PDS5B: variants seen among roughly 807,000 people sequenced by gnomAD.
PDS5B encodes PDS5 cohesin associated factor B, also known as sister chromatid cohesion protein PDS5 homolog B.
Under a neutral mutation model 184.1 loss-of-function variants are expected in PDS5B, and 51 were observed. That is an observed-to-expected ratio of 0.28 (90% CI 0.22 to 0.35). The LOEUF is 0.35. Ranked by LOEUF, PDS5B falls within the 10% of genes least tolerant of loss-of-function variation. The pLI, the probability that PDS5B is intolerant of heterozygous loss-of-function variation, is 1.00. For missense variants in PDS5B, 1,180 were observed against 1,723.3 expected, an observed-to-expected ratio of 0.68 and a Z score of 5.58; for synonymous variants, 566 against 569.2, an observed-to-expected ratio of 0.99 and a Z score of 0.08.
chr13:32,664,227 A>G (rs2140723283), intron 6 of PDS5B, among the ~76,000 whole-genome samples: 1 of 152,308 alleles, frequency 6.6e-6, no homozygotes, highest in East Asian at 1.9e-4. Context: ...ATATAAGAGG[A>G]TTGGAAGAAA....
intron 1 of PDS5B, among the ~76,000 whole-genome samples, chr13:32,615,082 C>G (rs2058198755): frequency 6.6e-6 from 1 of 152,206 alleles, no homozygotes; most frequent in East Asian, 1.9e-4. Flanking sequence ...AGAACCACCT[C>G]CGTTGTGCCC....
intron 3 of PDS5B, among the ~76,000 whole-genome samples, chr13:32,656,804 C>T (rs146069833): frequency 2.0e-3 from 309 of 152,128 alleles, no homozygotes; most frequent in African/African-American, 7.3e-3. Flanking sequence ...GCCATGTTGG[C>T]CAGGCTGGTC....
chr13:32,714,882 TTAAAG>T (rs1176111949), intron 19 of PDS5B, among the ~76,000 whole-genome samples: 2 of 152,148 alleles, frequency 1.3e-5, no homozygotes, highest in Non-Finnish European at 2.9e-5. Flanking sequence ...GATTAAGAGA[TTAAAG>T]TAAAGACAGG....
At chr13:32,766,646 A>G (rs924816627) in intron 31 of PDS5B, among the ~76,000 whole-genome samples, 5 of 152,178 alleles carry the variant, frequency 3.3e-5, no homozygotes, top group Non-Finnish European at 5.9e-5. Context: ...CAGCAAAGGA[A>G]TTATTTTCCA....
intron 1 of PDS5B, among the ~76,000 whole-genome samples, chr13:32,602,408 C>T (rs1358785789): frequency 1.3e-5 from 2 of 152,180 alleles, no homozygotes; most frequent in Non-Finnish European, 2.9e-5. Context: ...TCATCCATGT[C>T]CCTACAAAGG....
intron 14 of PDS5B, among the ~76,000 whole-genome samples, chr13:32,696,134 A>G (rs1951696117): frequency 1.3e-5 from 2 of 151,988 alleles, no homozygotes; most frequent in Admixed American, 1.3e-4. Context: ...TAGCAAGCTC[A>G]TTCTCAATAG....
intron 24 of PDS5B, among the ~76,000 whole-genome samples, chr13:32,749,183 G>T (rs1385354328): frequency 6.6e-6 from 1 of 152,114 alleles, no homozygotes; most frequent in African/African-American, 2.4e-5. Flanking sequence ...TAGCTGAACA[G>T]CTTTTTTTCT....
chr13:32,608,876 A>G (rs879610083), intron 1 of PDS5B, among the ~76,000 whole-genome samples: 3 of 152,200 alleles, frequency 2.0e-5, no homozygotes, highest in Non-Finnish European at 4.4e-5. Context: ...CATGTGAGAA[A>G]GTGGCAATGC....
intron 1 of PDS5B, among the ~76,000 whole-genome samples, chr13:32,616,345 G>A (rs552216120): frequency 2.0e-5 from 3 of 151,880 alleles, no homozygotes; most frequent in African/African-American, 7.3e-5. Flanking sequence ...GTGAGCCACT[G>A]CGCCTGGCCC....
intron 31 of PDS5B, among the ~76,000 whole-genome samples, chr13:32,768,991 A>T (rs1954686096): frequency 6.7e-6 from 1 of 149,764 alleles, no homozygotes; most frequent in South Asian, 2.1e-4. Flanking sequence ...GTGGTTGCAG[A>T]CACCTGTAGT....
intron 19 of PDS5B, among the ~76,000 whole-genome samples, chr13:32,720,598 C>CT (rs1952636850): frequency 6.6e-6 from 1 of 150,466 alleles, no homozygotes; most frequent in Non-Finnish European, 1.5e-5. Context: ...CAACTTTTAT[C>CT]TTTATTTTTT....
chr13:32,681,394 G>T lies in PDS5B; in HGVS notation c.1057+2465G>T, dbSNP rs147082604. ...TCCCTGCACTTTGGGAGGCCGAGGC[G>T]GGCAGATTGCTTGAGGTCAGGAGTT... On this transcript the variant is annotated intron_variant, in intron 10 of 34. Coordinates refer to ENST00000315596, the MANE Select transcript of PDS5B (RefSeq NM_015032.4). Among the ~76,000 whole-genome samples, 609 of 152,142 alleles carry T rather than the reference G, an allele frequency of 4.0e-3. 5 individuals carry two copies. The highest frequency in any genetic ancestry group is 0.014 in the African/African-American group (583 of 41,506).
rs1951051146 is a variant in PDS5B, at chr13:32,675,879, A to G, written c.882A>G (p.Lys294=). 1.9e-6 allele frequency: 3 copies of G among 1,613,502 alleles called. No individual in the cohort carries two copies. The highest frequency in any genetic ancestry group is 3.3e-5 in the Admixed American group (2 of 60,002). The change falls in exon 9 of 35, where the codon AAA becomes AAG. Residue 294 remains lysine (K), a synonymous_variant. Coordinates refer to ENST00000315596, the MANE Select transcript of PDS5B (RefSeq NM_015032.4). ...NDNEERLQVV[K]LLAKMFGAKD... is the part of the protein sequence containing the mutation. ...ATGAGGAGCGCCTACAAGTTGTTAA[A>G]CTACTGGCAAAAATGTTTGGGGCAA... is the stretch of plus-strand genomic sequence containing the variant.
At chr13:32,700,010 A>G (rs1298963592) in intron 16 of PDS5B, 141 bp downstream of exon 16, 10 of 720,894 alleles carry the variant, frequency 1.4e-5, no homozygotes, top group South Asian at 2.6e-5. Context: ...TAATTTCTCT[A>G]TAGAGACAAT....
chr13:32,741,988 T>C (rs1032353133), intron 22 of PDS5B, among the ~76,000 whole-genome samples: 1 of 152,098 alleles, frequency 6.6e-6, no homozygotes, highest in African/African-American at 2.4e-5. Flanking sequence ...TAGGCATACT[T>C]ACCAACTGGC....
chr13:32,752,124 G>A (rs938735952), intron 24 of PDS5B, among the ~76,000 whole-genome samples: 1 of 151,466 alleles, frequency 6.6e-6, no homozygotes, highest in African/African-American at 2.4e-5. Context: ...ACTTTTCCCT[G>A]TGCAGTAGTC....
rs138344613 is a variant in PDS5B, at chr13:32,623,419, C to A, written c.-19-25335C>A. ...AATTCTAAGCTTGTGGCCTTGTGTT[C>A]GTTATACAAAGTCGGTTTTAGTCCC... On this transcript the variant is annotated intron_variant, in intron 1 of 34. Transcript: ENST00000315596. 2.6e-3 allele frequency among the ~76,000 whole-genome samples: 392 copies of A among 152,194 alleles called. 2 individuals carry two copies. The highest frequency in any genetic ancestry group is 7.5e-3 in the African/African-American group (313 of 41,534).
chr13:32,724,657 C>T (rs892171631), intron 19 of PDS5B, among the ~76,000 whole-genome samples: 4 of 152,182 alleles, frequency 2.6e-5, no homozygotes, highest in Non-Finnish European at 5.9e-5. Flanking sequence ...TCACAGCTCA[C>T]TGCAGCCTCG....
In PDS5B at chr13:32,715,859, C is replaced by T. The variant is rs572966480; in HGVS notation, c.2123+5753C>T. 1.5e-3 allele frequency among the ~76,000 whole-genome samples: 235 copies of T among 152,384 alleles called. 1 individual carries two copies. Among genetic ancestry groups the T allele is most frequent in the Non-Finnish European group, 2.4e-3 (166 of 68,036 alleles). On this transcript the variant is annotated intron_variant, in intron 19 of 34. Coordinates refer to ENST00000315596, the MANE Select transcript of PDS5B (RefSeq NM_015032.4). ...TTTTTTTGGTGGAGACGGGGTTTTG[C>T]TGTGTTGGCCGGGCTGGTCTCCAGC... is the stretch of plus-strand genomic sequence containing the variant.
Sources: gnomAD v4.1 joint callset for allele counts (sites outside exome capture counted in the v4.1 genomes callset) on GRCh38, gnomAD v4.1.1 for gene constraint, MANE v1.5 for transcripts, NCBI Gene and HGNC (gene_info 2026-07-23, HGNC 2026-07-21) for gene names.